KNL1: variants seen among roughly 807,000 people sequenced by gnomAD.
KNL1 encodes the protein outer kinetochore KNL1 complex subunit KNL1.
KNL1 carries 66 observed loss-of-function variants against 201.3 expected under a neutral mutation model. The ratio of observed to expected loss-of-function variants is 0.33; its 90% CI spans 0.27 to 0.40. KNL1 has a LOEUF of 0.40. Ranked by LOEUF, KNL1 falls within the 10% of genes least tolerant of loss-of-function variation. The pLI is 1.00. For synonymous variants in KNL1, 895 were observed against 899.2 expected (o/e 1.00, Z 0.08); for missense variants, 2,815 against 2,690.5 (o/e 1.05, Z -1.02).
chr15:40,621,024 A>G lies in KNL1; in HGVS notation c.760A>G (p.Thr254Ala). Residue 254 changes from threonine (T) to alanine (A), a missense_variant, in exon 10 of 26, where the codon ACA (threonine) becomes GCA (alanine). By Grantham distance (58) the Thr-to-Ala change is moderately conservative. Transcript: ENST00000399668. Reference sequence around the variant, plus strand: ...CAAGGAACCGAACAGTGCCTCTTCTACACATCAAATGCATGTATCTCTTAA... The same window carrying G: ...CAAGGAACCGAACAGTGCCTCTTCTGCACATCAAATGCATGTATCTCTTAA... ...YSKEPNSASS[T>A]HQMHVSLKED... 6.2e-7 allele frequency: 1 copy of G among 1,607,042 alleles called. No homozygotes were observed. The highest frequency in any genetic ancestry group is 8.5e-7 in the Non-Finnish European group (1 of 1,177,170).
chr15:40,635,801 C>T (rs141975543), intron 13 of KNL1, among the ~76,000 whole-genome samples: 1 of 152,204 alleles, frequency 6.6e-6, no homozygotes, highest in Non-Finnish European at 1.5e-5. Context: ...CCCCTGCATG[C>T]TCATGTAGTG....
intron 20 of KNL1, among the ~76,000 whole-genome samples, chr15:40,651,784 C>T (rs1016781955): frequency 2.6e-5 from 4 of 152,044 alleles, no homozygotes; most frequent in South Asian, 2.1e-4. Context: ...CTTTTCATTG[C>T]GTAGACTTGG....
At position 40,655,671 on chromosome 15, in the gene KNL1, C is replaced by T. The variant is rs1893706131; in HGVS notation, c.6484+694C>T. Among the ~76,000 whole-genome samples the T allele has an allele frequency of 2.7e-5, 4 of 150,156 alleles. No homozygotes were observed. The South Asian group carries it at 8.4e-4, about 32-fold the overall frequency. On this transcript the variant is annotated intron_variant, in intron 22 of 25. Transcript: ENST00000399668. ...GGCTCACGCCTGTAATCCCAGCACT[C>T]TGGGAGGCCTAGGCGGACGGATTAC...
intron 17 of KNL1, 38 bp downstream of exon 17, chr15:40,647,112 A>G (rs745474868): frequency 9.9e-7 from 1 of 1,013,920 alleles, no homozygotes; most frequent in Non-Finnish European, 1.6e-6. Flanking sequence ...AGAAAATTTA[A>G]TTTTATCTAA....
chr15:40,651,618 TGTG>T (rs1319105469), intron 20 of KNL1, 46 bp downstream of exon 20: 1 of 1,372,230 alleles, frequency 7.3e-7, no homozygotes, highest in South Asian at 1.3e-5. Context: ...TTCTGTACCT[TGTG>T]GTTGTTTAAA....
intron 6 of KNL1, among the ~76,000 whole-genome samples, 163 bp from the exon 7 acceptor site, chr15:40,611,315 G>A (rs1052145732): frequency 6.6e-6 from 1 of 151,972 alleles, no homozygotes; most frequent in East Asian, 1.9e-4. Context: ...CACCGTGTTG[G>A]TCAGGTTGAT....
intron 1 of KNL1, among the ~76,000 whole-genome samples, chr15:40,602,242 C>T (rs574671257): frequency 1.3e-5 from 2 of 148,440 alleles, no homozygotes; most frequent in African/African-American, 5.0e-5. Context: ...ACCGTGTTAG[C>T]CAAGATGGTC....
At chr15:40,626,165 A>T (rs1304338063) in intron 10 of KNL1, 1 of 151,804 alleles carries the variant, frequency 6.6e-6, no homozygotes, top group Non-Finnish European at 1.5e-5. Context: ...ATTTTATTTT[A>T]TTTTTGAGAC....
At chr15:40,612,985 G>T (rs1272557498) in intron 7 of KNL1, among the ~76,000 whole-genome samples, 1 of 152,096 alleles carries the variant, frequency 6.6e-6, no homozygotes, top group Non-Finnish European at 1.5e-5. Context: ...ACCAATATAC[G>T]TGTAAATGTT....
In KNL1 at chr15:40,622,342, A is replaced by C; in HGVS notation, c.2078A>C (p.Gln693Pro). ...AATAGAAATACAGTATCATGGGAACAATCTTTGTTTTCTACCACAAAGCCA... is the reference window on the plus strand; with the variant it reads ...AATAGAAATACAGTATCATGGGAACCATCTTTGTTTTCTACCACAAAGCCA... Reference protein sequence around the residue: ...ITNRNTVSWEQSLFSTTKPLF... With the variant: ...ITNRNTVSWEPSLFSTTKPLF... The change falls in exon 10 of 26, where the codon CAA becomes CCA. Residue 693 changes from glutamine (Q) to proline (P), a missense_variant. Transcript: ENST00000399668. 6.2e-7 allele frequency: 1 copy of C among 1,613,998 alleles called. No individual in the cohort carries two copies. Among genetic ancestry groups the C allele is most frequent in the East Asian group, 2.2e-5 (1 of 44,868 alleles).
intron 1 of KNL1, among the ~76,000 whole-genome samples, chr15:40,595,224 A>C (rs1891588397): frequency 6.6e-6 from 1 of 152,262 alleles, no homozygotes; most frequent in South Asian, 2.1e-4. Context: ...CCGGGGACAG[A>C]TGATTCCCAA....
chr15:40,627,660 G>A lies in KNL1; in HGVS notation c.5377-410G>A, dbSNP rs566083093. On this transcript the variant is annotated intron_variant, in intron 10 of 25. Transcript: ENST00000399668. ...AAGTCTTGGTCAGCTGGGGAGGAAA[G>A]TAGTAAAGCCTGGAAATAAGTTTAT... Among the ~76,000 whole-genome samples the A allele has an allele frequency of 6.1e-4, 93 of 152,334 alleles. 1 individual carries two copies. Among genetic ancestry groups the A allele is most frequent in the Middle Eastern group, 6.8e-3 (2 of 294 alleles).
chr15:40,625,092 A>G lies in KNL1; in HGVS notation c.4828A>G (p.Ile1610Val), dbSNP rs765844204. ...VQATEIHNIN[I>V]ISSNAKDSRD... ...AGCTACAGAAATACATAATATTAACATAATCTCCAGCAATGCTAAAGATAG... is the reference window on the plus strand; with the variant it reads ...AGCTACAGAAATACATAATATTAACGTAATCTCCAGCAATGCTAAAGATAG... Residue 1610 changes from isoleucine to valine, a missense_variant, in exon 10 of 26, where the codon ATA becomes GTA. By Grantham distance (29) the Ile-to-Val change is conservative. Around this residue, in one of 3 missense-constraint regions of KNL1, gnomAD observed 2,464 missense variants for 2,291.7 expected, o/e 1.08. Transcript: ENST00000399668. 1 of 1,613,870 alleles carries G rather than the reference A, an allele frequency of 6.2e-7. No homozygotes were observed. The highest frequency in any genetic ancestry group is 8.5e-7 in the Non-Finnish European group (1 of 1,179,892).
intron 24 of KNL1, 100 bp from the exon 25 acceptor site, chr15:40,659,239 G>T: frequency 9.6e-7 from 1 of 1,044,270 alleles, no homozygotes; most frequent in Non-Finnish European, 1.4e-6. Flanking sequence ...ACTCCAGCCT[G>T]GGCGATAGAG....
intron 9 of KNL1, among the ~76,000 whole-genome samples, chr15:40,619,338 G>A (rs1286611108): frequency 1.4e-5 from 2 of 142,062 alleles, no homozygotes; most frequent in East Asian, 3.9e-4. Flanking sequence ...TGAGAAAACT[G>A]TTGTAGCACA....
At chr15:40,634,401 G>C (rs1457102699) in intron 13 of KNL1, among the ~76,000 whole-genome samples, 1 of 152,202 alleles carries the variant, frequency 6.6e-6, no homozygotes, top group Non-Finnish European at 1.5e-5. Context: ...CACCACGCCT[G>C]GTGCGTGAAT....
chr15:40,647,509 T>C (rs1047435235), intron 17 of KNL1, among the ~76,000 whole-genome samples: 1 of 151,854 alleles, frequency 6.6e-6, no homozygotes, highest in Admixed American at 6.6e-5. Context: ...AATAAATAAA[T>C]TAGAGCAAAT....
At position 40,621,407 on chromosome 15, in the gene KNL1, C is replaced by T. The variant is rs1415958798; in HGVS notation, c.1143C>T (p.Asp381=). 12 of 1,612,710 alleles carry T rather than the reference C, an allele frequency of 7.4e-6. No homozygotes were observed. The highest frequency in any genetic ancestry group is 1.0e-5 in the Non-Finnish European group (12 of 1,179,470). The change falls in exon 10 of 26, where the codon GAC becomes GAT. Residue 381 remains aspartate, a synonymous_variant. Coordinates refer to ENST00000399668, the MANE Select transcript of KNL1 (RefSeq NM_144508.5). ...AAGACCTTTCCATAAACTCTGCAGA[C>T]AAAATACATATTACCAGAAGTCATA... ...AFQDLSINSA[D]KIHITRSHIM... is the part of the protein sequence containing the mutation.
intron 16 of KNL1, among the ~76,000 whole-genome samples, chr15:40,646,058 C>G (rs1893374225): frequency 6.6e-6 from 1 of 152,162 alleles, no homozygotes; most frequent in Non-Finnish European, 1.5e-5. Context: ...TTGCTAAGGA[C>G]TATACCATAG....
Sources: gnomAD v4.1 joint callset for allele counts (sites outside exome capture counted in the v4.1 genomes callset) on GRCh38, gnomAD v4.1.1 for gene constraint, gnomAD v4.1.1 regional missense constraint, MANE v1.5 for transcripts, NCBI Gene and HGNC (gene_info 2026-07-23, HGNC 2026-07-21) for gene names.